The following TRIM17 variants were observed in gnomAD, a reference collection of about 807,000 sequenced individuals.
TRIM17 encodes the protein E3 ubiquitin-protein ligase TRIM17.
In TRIM17, 27 loss-of-function variants were observed where a neutral mutation model predicts 35.8. The ratio of observed to expected loss-of-function variants is 0.75; its 90% CI spans 0.56 to 1.04. The LOEUF is 1.04. Ranked by LOEUF, TRIM17 falls within the 50% of genes least tolerant of loss-of-function variation. The pLI is 0.00. For missense variants in TRIM17, 582 were observed against 612.8 expected (o/e 0.95, Z 0.53); for synonymous variants, 246 against 252.6 (o/e 0.97, Z 0.25).
In TRIM17 at chr1:228,414,857, C is replaced by A; in HGVS notation, c.216G>T (p.Arg72Ser). Residue 72 changes from arginine to serine, a missense_variant, in exon 2 of 7, where the codon AGG (arginine) becomes AGT (serine). Coordinates refer to ENST00000366698, the MANE Select transcript of TRIM17 (RefSeq NM_016102.4). The stretch of plus-strand genomic sequence containing the variant: ...TCAGCAGCCGGTTGGGCAGCAGGTT[C>A]CTCTGCGGGGACATCTCTCTGCACT... Reference protein sequence around the residue: ...CPECREMSPQRNLLPNRLLTK... With the variant: ...CPECREMSPQSNLLPNRLLTK... 6.2e-7 allele frequency: 1 copy of A among 1,613,682 alleles called. No individual in the cohort carries two copies. The highest frequency in any genetic ancestry group is 8.5e-7 in the Non-Finnish European group (1 of 1,180,036).
intron 2 of TRIM17, 71 bp from the exon 3 acceptor site, chr1:228,413,963 C>T (rs1656936913): frequency 3.1e-6 from 4 of 1,293,274 alleles, no homozygotes; most frequent in South Asian, 1.2e-5. Context: ...TCCAGTTGTG[C>T]TCGCTGAAAC....
rs751725680 is a variant in TRIM17 at position 228,409,263 on chromosome 1, C to CA, written c.791dup (p.Ser265GlufsTer24). 3 of 1,613,690 alleles carry CA rather than the reference C, an allele frequency of 1.9e-6. No homozygotes were observed. In the South Asian group the frequency reaches 3.3e-5, roughly 18 times the overall value. On this transcript the variant is annotated frameshift_variant, in exon 6 of 7. Transcript: ENST00000366698. LOFTEE classifies it high-confidence loss of function. ...GGGCAACCTCTGGGCACTGCACACTCACGTTGTTCTTCCTCCGGTGGGCAC... is the reference window on the plus strand; with the variant it reads ...GGGCAACCTCTGGGCACTGCACACTCAACGTTGTTCTTCCTCCGGTGGGCAC...
chr1:228,411,034 G>A lies in TRIM17; in HGVS notation c.668C>T (p.Ala223Val), dbSNP rs751791452. The A allele has an allele frequency of 1.9e-6, 3 of 1,613,292 alleles. No individual in the cohort carries two copies. Among genetic ancestry groups the A allele is most frequent in the Non-Finnish European group, 1.7e-6 (2 of 1,179,912 alleles). Residue 223 changes from alanine to valine, a missense_variant, in exon 4 of 7, where the codon GCC becomes GTC. Transcript: ENST00000366698. This position sits in a 1 kb window ranked among gnomAD's most constrained non-coding sequence, Gnocchi z 4.2. ...AGAGTGACCCTGCCGGTCCAGGCAGGCCACGCTCTCCCGGAGCCTGCTGGC... is the reference window on the plus strand; with the variant it reads ...AGAGTGACCCTGCCGGTCCAGGCAGACCACGCTCTCCCGGAGCCTGCTGGC... ...ETASRLRESV[A>V]CLDRQGHSLE... is the part of the protein sequence containing the mutation.
chr1:228,412,926 C>T (rs1656862921), intron 3 of TRIM17, among the ~76,000 whole-genome samples: 1 of 152,052 alleles, frequency 6.6e-6, no homozygotes, highest in South Asian at 2.1e-4. Flanking sequence ...AAATAAAGTG[C>T]CTGGCCTGGC....
In TRIM17 at chr1:228,413,788, G is replaced by A. The variant is rs774448581; in HGVS notation, c.525+9C>T. 4 of 1,612,024 alleles carry A rather than the reference G, an allele frequency of 2.5e-6. No homozygotes were observed. Among genetic ancestry groups the A allele is most frequent in the Non-Finnish European group, 2.5e-6 (3 of 1,178,226 alleles). On this transcript the variant is annotated intron_variant, in intron 3 of 6. Transcript: ENST00000366698. The stretch of plus-strand genomic sequence containing the variant: ...GCAGGAAAGGGACTGGACAGCCCTG[G>A]GCACCCACCTGCCACTCGGCTAAGC...
chr1:228,408,818 TC>T lies in TRIM17; in HGVS notation c.884-68del. ...GGGCATTCAGGGTCAAAGGTGGGAG[TC>T]CCCGGGCCCTAGTGGTGGATGTGGC... On this transcript the variant is annotated intron_variant, in intron 6 of 6. Coordinates refer to ENST00000366698, the MANE Select transcript of TRIM17 (RefSeq NM_016102.4). The surrounding 1 kb of genome is among the most constrained non-coding windows in gnomAD (Gnocchi z 6.3). 2 of 1,544,422 alleles carry T rather than the reference TC, an allele frequency of 1.3e-6. No individual in the cohort carries two copies. Among genetic ancestry groups the T allele is most frequent in the Non-Finnish European group, 1.7e-6 (2 of 1,151,056 alleles).
Position 228,416,722 on chromosome 1 carries a change from G to GGGGGGGGGGGGGGGGGGGGGC in TRIM17, c.-226_-225insGCCCCCCCCCCCCCCCCCCCC. 5.3e-6 allele frequency: 3 copies of GGGGGGGGGGGGGGGGGGGGGC among 568,102 alleles called. No individual in the cohort carries two copies. Among genetic ancestry groups the GGGGGGGGGGGGGGGGGGGGGC allele is most frequent in the Non-Finnish European group, 6.6e-6 (3 of 453,588 alleles). The allele number at this position is 568,102 out of a possible 1,614,324, so 35.2% of individuals were successfully genotyped here. On this transcript the variant is annotated 5_prime_UTR_variant, in exon 1 of 7. Coordinates refer to ENST00000366698, the MANE Select transcript of TRIM17 (RefSeq NM_016102.4). ...GGGGCTGGGGGGCGGCGGGGGAGGGGAATGCTGGGCGAGGGAGTGTTCGGC... is the reference window on the plus strand; with the variant it reads ...GGGGCTGGGGGGCGGCGGGGGAGGGGGGGGGGGGGGGGGGGGGGGGCAATGCTGGGCGAGGGAGTGTTCGGC...
In TRIM17 at chr1:228,416,846, G is replaced by A; in HGVS notation, c.-349C>T. 6 of 985,062 alleles carry A rather than the reference G, an allele frequency of 6.1e-6. No individual in the cohort carries two copies. Among genetic ancestry groups the A allele is most frequent in the Non-Finnish European group, 7.2e-6 (6 of 830,054 alleles). 61.0% of individuals were successfully genotyped at this position (985,062 alleles called of 1,614,324 possible). On this transcript the variant is annotated 5_prime_UTR_variant, in exon 1 of 7. Coordinates refer to ENST00000366698, the MANE Select transcript of TRIM17 (RefSeq NM_016102.4). ...GGCTCTGGACGAGCCGGGGACAGGC[G>A]CAGCGGGTGCTGACTGGGCGGTGGG...
At chr1:228,416,505 G>C (rs768556435) in intron 1 of TRIM17, 34 bp downstream of exon 1, 55 of 985,356 alleles carry the variant, frequency 5.6e-5, no homozygotes, top group Non-Finnish European at 6.5e-5. Context: ...CGCCACAGGA[G>C]GGTAGCCTAG....
rs546610613 is a variant in TRIM17 at position 228,416,761 on chromosome 1, G to A, written c.-264C>T. 1.2e-4 allele frequency: 115 copies of A among 983,926 alleles called. 1 individual carries two copies. In the South Asian group the frequency reaches 4.8e-3, roughly 41 times the overall value. 60.9% of individuals were successfully genotyped at this position (983,926 alleles called of 1,614,324 possible). Reference sequence around the variant, plus strand: ...GGAGTGTTCGGCGGCCGGGACTGGGGCGGCGCCTCTTAGGAGAGGTTGGGG... The same window carrying A: ...GGAGTGTTCGGCGGCCGGGACTGGGACGGCGCCTCTTAGGAGAGGTTGGGG... On this transcript the variant is annotated 5_prime_UTR_variant, in exon 1 of 7. Coordinates refer to ENST00000366698, the MANE Select transcript of TRIM17 (RefSeq NM_016102.4).
rs147756265 is a variant in TRIM17 at position 228,408,509 on chromosome 1, G to A, written c.1126C>T (p.Arg376Trp). 2.9e-5 allele frequency: 47 copies of A among 1,613,880 alleles called. No homozygotes were observed. Among genetic ancestry groups the A allele is most frequent in the South Asian group, 2.6e-4 (24 of 91,072 alleles). ...GGGCACTTGGGGACCCTGTCTTTCC[G>A]GCTCACGTTGTCCCTGCACACACCC... ...ALGVCRDNVS[R>W]KDRVPKCPEN... The change falls in exon 7 of 7, where the codon CGG becomes TGG. Residue 376 changes from arginine to tryptophan, a missense_variant. Coordinates refer to ENST00000366698, the MANE Select transcript of TRIM17 (RefSeq NM_016102.4). The surrounding 1 kb of genome is among the most constrained non-coding windows in gnomAD (Gnocchi z 6.3).
rs148081432 is a variant in TRIM17 at position 228,408,351 on chromosome 1, T to G, written c.1284A>C (p.Glu428Asp). The change falls in exon 7 of 7, where the codon GAA (glutamate) becomes GAC (aspartate). Residue 428 changes from glutamate to aspartate, a missense_variant. Coordinates refer to ENST00000366698, the MANE Select transcript of TRIM17 (RefSeq NM_016102.4). This position sits in a 1 kb window ranked among gnomAD's most constrained non-coding sequence, Gnocchi z 6.3. The stretch of plus-strand genomic sequence containing the variant: ...CATCGCTTACACTGTAGAAGGACAC[T>G]TCCCCGGCTTCGAAGTCCAGGAAGA... ...MGIFLDFEAGEVSFYSVSDGS... is the reference protein window; with the variant it reads ...MGIFLDFEAGDVSFYSVSDGS... The G allele has an allele frequency of 2.0e-5, 33 of 1,613,958 alleles. No homozygotes were observed. The highest frequency in any genetic ancestry group is 8.5e-7 in the Non-Finnish European group (1 of 1,179,990).
rs772278405 is a variant in TRIM17 at position 228,413,871 on chromosome 1, C to G, written c.451G>C (p.Glu151Gln). ...CTGGTGATCTGCTCCCGAAGGTACT[C>G]CATGTCCTCCTCCAGCTTCAACTGT... ...GYKLKLEEDMEYLREQITRTG... is the reference protein window; with the variant it reads ...GYKLKLEEDMQYLREQITRTG... The change falls in exon 3 of 7, where the codon GAG becomes CAG. Residue 151 changes from glutamate to glutamine, a missense_variant. By Grantham distance (29) the Glu-to-Gln change is conservative (BLOSUM62 2). Transcript: ENST00000366698. 1.9e-6 allele frequency: 3 copies of G among 1,614,070 alleles called. No individual in the cohort carries two copies. The highest frequency in any genetic ancestry group is 2.7e-5 in the African/African-American group (2 of 74,936).
rs1226951013 is a variant in TRIM17 at position 228,416,709 on chromosome 1, C to A, written c.-212G>T. 2.3e-4 allele frequency: 13 copies of A among 57,496 alleles called. No homozygotes were observed. The South Asian group carries it at 3.8e-3, about 17-fold the overall frequency. The allele number at this position is 57,496 out of a possible 1,614,324, so 3.6% of individuals were successfully genotyped here. A position where few individuals can be genotyped will look rare whatever the true frequency, so the allele number is the denominator to read the frequency against. ...TGTGGCGTCAGCGGGGGCTGGGGGG[C>A]GGCGGGGGAGGGGAATGCTGGGCGA... is the stretch of plus-strand genomic sequence containing the variant. On this transcript the variant is annotated 5_prime_UTR_variant, in exon 1 of 7. Transcript: ENST00000366698.
chr1:228,415,571 G>A lies in TRIM17; in HGVS notation c.-41-458C>T, dbSNP rs186614324. On this transcript the variant is annotated intron_variant, in intron 1 of 6. Coordinates refer to ENST00000366698, the MANE Select transcript of TRIM17 (RefSeq NM_016102.4). ...ACTCCAACTCCCCCATACATCCCCA[G>A]CTGTCTTTGCTGGCGCAACTCTCCC... The A allele has an allele frequency of 2.8e-3, 428 of 154,394 alleles. 6 individuals carry two copies. The highest frequency in any genetic ancestry group is 5.6e-4 in the Non-Finnish European group (39 of 69,606). 9.6% of individuals were successfully genotyped at this position (154,394 alleles called of 1,614,324 possible). A position where few individuals can be genotyped will look rare whatever the true frequency, so the allele number is the denominator to read the frequency against.
Position 228,408,892 on chromosome 1 carries a change from G to A in TRIM17, c.884-141C>T. 2.0e-6 allele frequency: 3 copies of A among 1,478,564 alleles called. No individual in the cohort carries two copies. The highest frequency in any genetic ancestry group is 2.7e-6 in the Non-Finnish European group (3 of 1,112,604). 91.6% of individuals were successfully genotyped at this position (1,478,564 alleles called of 1,614,324 possible). A position where few individuals can be genotyped will look rare whatever the true frequency, so the allele number is the denominator to read the frequency against. ...AGGCCTCCCCTGCTGTGAATCTGGG[G>A]TTACTTGATGCTTCCACACACCAAT... On this transcript the variant is annotated intron_variant, in intron 6 of 6. Transcript: ENST00000366698. The surrounding 1 kb of genome is among the most constrained non-coding windows in gnomAD (Gnocchi z 6.3).
At chr1:228,409,297 G>A (rs1462275316) in intron 5 of TRIM17, 22 bp from the exon 6 acceptor site, 49 of 1,612,254 alleles carry the variant, frequency 3.0e-5, no homozygotes, top group Non-Finnish European at 4.0e-5. Context: ...ACACACAGGG[G>A]AGTCTTATTG....
chr1:228,415,890 C>T (rs1325028027), intron 1 of TRIM17: 2 of 152,446 alleles, frequency 1.3e-5, no homozygotes, highest in East Asian at 1.9e-4. Context: ...ACACAGCACA[C>T]ACAGGCACAG....
In TRIM17 at chr1:228,408,440, A is replaced by T. The variant is rs766485780; in HGVS notation, c.1195T>A (p.Tyr399Asn). 1 of 1,614,160 alleles carries T rather than the reference A, an allele frequency of 6.2e-7. No individual in the cohort carries two copies. Among genetic ancestry groups the T allele is most frequent in the Admixed American group, 1.7e-5 (1 of 60,028 alleles). Residue 399 changes from tyrosine (Y) to asparagine (N), a missense_variant, in exon 7 of 7, where the codon TAC becomes AAC. Coordinates refer to ENST00000366698, the MANE Select transcript of TRIM17 (RefSeq NM_016102.4). This position sits in a 1 kb window ranked among gnomAD's most constrained non-coding sequence, Gnocchi z 6.3. ...WVVQLSKGTKYLSTFSALTPV... is the reference protein window; with the variant it reads ...WVVQLSKGTKNLSTFSALTPV... ...GTTAGGGCAGAGAAGGTGGATAAGT[A>T]CTTGGTCCCCTTGGACAGCTGCACC...
Sources: allele counts gnomAD v4.1 joint callset (sites outside exome capture counted in the v4.1 genomes callset), GRCh38; gene constraint gnomAD v4.1.1; non-coding constraint Gnocchi (gnomAD v3.1); transcripts MANE v1.5; gene names NCBI Gene and HGNC (gene_info 2026-07-23, HGNC 2026-07-21).